PTPRA: variants seen among roughly 807,000 people sequenced by gnomAD.
PTPRA encodes the protein protein tyrosine phosphatase receptor type A, also known as receptor-type tyrosine-protein phosphatase alpha.
PTPRA carries 25 observed loss-of-function variants against 104.8 expected under a neutral mutation model. The ratio of observed to expected loss-of-function variants is 0.24; its 90% CI spans 0.17 to 0.33. PTPRA has a LOEUF of 0.33. Among genes scored for constraint, PTPRA ranks in the 10% least tolerant of loss-of-function variants. The pLI, the probability that PTPRA is intolerant of heterozygous loss-of-function variation, is 1.00. For missense variants in PTPRA, 765 were observed against 1,015.3 expected (o/e 0.75, Z 3.35); for synonymous variants, 323 against 368.9 (o/e 0.88, Z 1.43).
chr20:2,872,493 G>A (rs922922219), upstream of PTPRA, among the ~76,000 whole-genome samples: 1 of 152,252 alleles, frequency 6.6e-6, no homozygotes, highest in African/African-American at 2.4e-5. This position sits in a 1 kb window ranked among gnomAD's most constrained non-coding sequence, Gnocchi z 7.9. Context: ...TTTGCCTGCA[G>A]ACGCCCAGCC....
chr20:2,866,348 G>A, the PTPRA span: 6 of 1,613,988 alleles, frequency 3.7e-6, no homozygotes, highest in South Asian at 1.1e-5. Flanking sequence ...GGTGCTGGGT[G>A]GCTGAGCTGT....
chr20:3,029,295 A>G (rs1158243047), intron 20 of PTPRA, among the ~76,000 whole-genome samples: 1 of 151,652 alleles, frequency 6.6e-6, no homozygotes, highest in East Asian at 1.9e-4. Context: ...ACGTGCCACC[A>G]TGCCCAGCTA....
the PTPRA span, chr20:2,865,024 T>A: frequency 6.2e-7 from 1 of 1,614,154 alleles, no homozygotes; most frequent in Non-Finnish European, 8.5e-7. This position sits in a 1 kb window ranked among gnomAD's most constrained non-coding sequence, Gnocchi z 5.2. Context: ...GCCGATGCCT[T>A]CTACAAGGCC....
At chr20:2,906,485 G>A (rs972638552) in intron 1 of PTPRA, among the ~76,000 whole-genome samples, 5 of 152,064 alleles carry the variant, frequency 3.3e-5, no homozygotes, top group African/African-American at 9.7e-5. Context: ...AGGGTAATAC[G>A]TACGTTCTGA....
In PTPRA at chr20:2,950,587, G is replaced by A. The variant is rs2061321179; in HGVS notation, c.-7+2563G>A. On this transcript the variant is annotated intron_variant, in intron 3 of 23. Transcript: ENST00000399903. The surrounding 1 kb of genome is among the most constrained non-coding windows in gnomAD (Gnocchi z 4.0). ...GAACCCAGGAGGCGGAGGTTGCAGT[G>A]AGCCGAGATCGCACCACTGCACTCC... is the stretch of plus-strand genomic sequence containing the variant. Among the ~76,000 whole-genome samples the A allele has an allele frequency of 6.6e-6, 1 of 151,292 alleles. No individual in the cohort carries two copies. Among genetic ancestry groups the A allele is most frequent in the Admixed American group, 6.6e-5 (1 of 15,200 alleles).
At position 3,025,596 on chromosome 20, in the gene PTPRA, A is replaced by G. The variant is rs1215397443; in HGVS notation, c.1614+975A>G. 3.3e-5 allele frequency among the ~76,000 whole-genome samples: 5 copies of G among 152,016 alleles called. No homozygotes were observed. The East Asian group carries it at 9.7e-4, about 30-fold the overall frequency. ...TGTCAAGATGTGGGTTCTGCCAGGC[A>G]CGGTGGCTAATGCCTGTAATCCCAG... On this transcript the variant is annotated intron_variant, in intron 17 of 23. Coordinates refer to ENST00000399903, the MANE Select transcript of PTPRA (RefSeq NM_001385305.1).
intron 1 of PTPRA, among the ~76,000 whole-genome samples, chr20:2,878,145 GTC>G (rs1412474592): frequency 6.6e-6 from 1 of 151,656 alleles, no homozygotes; most frequent in Admixed American, 6.6e-5. Context: ...GCGAGACTCC[GTC>G]TCAAAAAAAA....
intron 11 of PTPRA, among the ~76,000 whole-genome samples, chr20:3,010,216 A>G (rs1348012799): frequency 6.6e-6 from 1 of 152,016 alleles, no homozygotes; most frequent in Non-Finnish European, 1.5e-5. Context: ...GGCTGATTCC[A>G]TGGGTCAGTG....
chr20:2,932,892 A>AT (rs1225093851), intron 2 of PTPRA, among the ~76,000 whole-genome samples: 2 of 152,088 alleles, frequency 1.3e-5, no homozygotes, highest in East Asian at 3.9e-4. Context: ...AGGTTTTATA[A>AT]TTTTCACTAA....
chr20:2,930,768 A>G (rs944426118), intron 2 of PTPRA, among the ~76,000 whole-genome samples: 2 of 152,142 alleles, frequency 1.3e-5, no homozygotes, highest in Admixed American at 6.5e-5. Context: ...ATCTTTATTT[A>G]ACTAATTACA....
chr20:2,952,062 G>T (rs149862474), intron 3 of PTPRA, among the ~76,000 whole-genome samples: 1 of 151,868 alleles, frequency 6.6e-6, no homozygotes, highest in Non-Finnish European at 1.5e-5. Context: ...AGAGGTTGCG[G>T]TGAGCCAAGA....
At chr20:2,944,552 A>G (rs2061053025) in intron 2 of PTPRA, among the ~76,000 whole-genome samples, 1 of 152,196 alleles carries the variant, frequency 6.6e-6, no homozygotes, top group Non-Finnish European at 1.5e-5. Context: ...CTCTTGAGGT[A>G]TCAACTTGGA....
intron 9 of PTPRA, among the ~76,000 whole-genome samples, chr20:2,998,569 T>C (rs6037454): frequency 0.022 from 3,394 of 152,274 alleles, 104 homozygotes; most frequent in African/African-American, 0.064. Context: ...TTACATTGCT[T>C]AGTACGAGGG....
chr20:2,964,834 T>C, intron 4 of PTPRA, 27 bp from the exon 5 acceptor site: 1 of 1,558,756 alleles, frequency 6.4e-7, no homozygotes, highest in Non-Finnish European at 8.8e-7. Flanking sequence ...CTTCATGTGC[T>C]ATTTCCTTGT....
intron 3 of PTPRA, among the ~76,000 whole-genome samples, chr20:2,949,561 A>G (rs894100918): frequency 7.9e-5 from 12 of 152,018 alleles, no homozygotes; most frequent in Non-Finnish European, 1.2e-4. Context: ...CCAAAGTGCC[A>G]TTACAGTGGC....
chr20:2,970,805 CGTGT>C (rs10616041), intron 5 of PTPRA, among the ~76,000 whole-genome samples: 2 of 149,602 alleles, frequency 1.3e-5, no homozygotes, highest in Non-Finnish European at 3.0e-5. Flanking sequence ...TCTATGGTTT[CGTGT>C]GTGTGTGTGT....
chr20:2,887,701 A>G (rs2090460464), intron 1 of PTPRA, among the ~76,000 whole-genome samples: 1 of 152,236 alleles, frequency 6.6e-6, no homozygotes, highest in African/African-American at 2.4e-5. Context: ...GTGGCTTATT[A>G]CAATATTGTA....
rs368432996 is a variant in PTPRA at position 2,927,469 on chromosome 20, T to C, written c.-50+4184T>C. On this transcript the variant is annotated intron_variant, in intron 2 of 23. Coordinates refer to ENST00000399903, the MANE Select transcript of PTPRA (RefSeq NM_001385305.1). ...TTTCTTGTCTATTTGCCTGTTATTA[T>C]AGTTTCACTTTTCACCAAGATCTCA... is the stretch of plus-strand genomic sequence containing the variant. 5.9e-5 allele frequency among the ~76,000 whole-genome samples: 9 copies of C among 152,350 alleles called. 1 individual carries two copies. Among genetic ancestry groups the C allele is most frequent in the African/African-American group, 2.2e-4 (9 of 41,580 alleles).
intron 1 of PTPRA, among the ~76,000 whole-genome samples, chr20:2,909,956 A>AT (rs1283860291): frequency 8.3e-6 from 1 of 120,364 alleles, no homozygotes; most frequent in African/African-American, 3.7e-5. Flanking sequence ...TATATATTAT[A>AT]ATATATGATA....
Sources: gnomAD v4.1 joint callset for allele counts (sites outside exome capture counted in the v4.1 genomes callset) on GRCh38, gnomAD v4.1.1 for gene constraint, Gnocchi (gnomAD v3.1) non-coding constraint, MANE v1.5 for transcripts, NCBI Gene and HGNC (gene_info 2026-07-23, HGNC 2026-07-21) for gene names.